The following SLC6A9 variants were observed in gnomAD, a reference collection of about 807,000 sequenced individuals.
SLC6A9 encodes sodium- and chloride-dependent glycine transporter 1.
A neutral mutation model predicts 70.9 loss-of-function variants in SLC6A9; 31 were observed. The observed-to-expected ratio is 0.44, with a 90% CI of 0.33 to 0.59. The LOEUF (loss-of-function observed/expected upper bound fraction) is 0.59, where lower values mean the gene tolerates loss of function less well. Ranked by LOEUF, SLC6A9 falls within the 20% of genes least tolerant of loss-of-function variation. The pLI is 0.04. For missense variants in SLC6A9, 631 were observed against 845.2 expected (o/e 0.75, Z 3.14); for synonymous variants, 310 against 341.3 (o/e 0.91, Z 1.01).
chr1:44,025,070 T>G (rs1379583066), intron 1 of SLC6A9, among the ~76,000 whole-genome samples: 1 of 152,254 alleles, frequency 6.6e-6, no homozygotes, highest in Non-Finnish European at 1.5e-5. Flanking sequence ...TTATTTCATA[T>G]GACACTTATT....
chr1:44,010,303 G>T, intron 3 of SLC6A9: 1 of 568,722 alleles, frequency 1.8e-6, no homozygotes, highest in Non-Finnish European at 3.1e-6. Context: ...TCTGCTTGGA[G>T]TGGAATCCAG....
chr1:44,002,325 T>C lies in SLC6A9; in HGVS notation c.950A>G (p.Asn317Ser). Residue 317 changes from asparagine to serine, a missense_variant, in exon 8 of 14, where the codon AAT becomes AGT. Physicochemically the swap from Asn to Ser is conservative, Grantham distance 46 (BLOSUM62 1). Transcript: ENST00000372310. The surrounding 1 kb of genome is among the most constrained non-coding windows in gnomAD (Gnocchi z 5.5). ...ITMASYNKFH[N>S]NCYRDSVIIS... ...AGGGAGCACTCACCGGTAACAGTTA[T>C]TGTGGAACTTGTTGTAGGAAGCCAT... 1.2e-6 allele frequency: 2 copies of C among 1,612,726 alleles called. No homozygotes were observed. The highest frequency in any genetic ancestry group is 1.7e-6 in the Non-Finnish European group (2 of 1,178,750).
chr1:44,012,105 C>A (rs2086591681), intron 2 of SLC6A9, among the ~76,000 whole-genome samples: 1 of 152,208 alleles, frequency 6.6e-6, no homozygotes. Flanking sequence ...AGAGATGGAG[C>A]CCCGTAGCCT....
rs1161464948 is a variant in SLC6A9 at position 44,010,856 on chromosome 1, G to C, written c.57C>G (p.Thr19=). Residue 19 remains threonine, a synonymous_variant, in exon 3 of 14, where the codon ACC becomes ACG. Coordinates refer to ENST00000372310, the MANE Select transcript of SLC6A9 (RefSeq NM_001024845.3). ...MLNGAVPSEA[T]KRDQNLKRGN... ...CCCGTTTGAGGTTCTGGTCCCTCTT[G>C]GTGGCCTCGCTGGGCACAGCACCAT... 1 of 1,614,128 alleles carries C rather than the reference G, an allele frequency of 6.2e-7. No homozygotes were observed. Among genetic ancestry groups the C allele is most frequent in the African/African-American group, 1.3e-5 (1 of 74,956 alleles).
rs1347046137 is a variant in SLC6A9, at chr1:44,018,417, C to A, written c.30+5831G>T. ...ACCAACCTGACCAACATGGTGAGAC[C>A]AACCCCATCTCTACTAAAAATACAA... On this transcript the variant is annotated intron_variant, in intron 2 of 13. Transcript: ENST00000372310. The surrounding 1 kb of genome is among the most constrained non-coding windows in gnomAD (Gnocchi z 4.2). 6.6e-6 allele frequency among the ~76,000 whole-genome samples: 1 copy of A among 151,928 alleles called. No homozygotes were observed. Among genetic ancestry groups the A allele is most frequent in the Non-Finnish European group, 1.5e-5 (1 of 67,986 alleles).
At chr1:44,010,172 A>G in intron 3 of SLC6A9, 76 bp from the exon 4 acceptor site, 1 of 1,553,962 alleles carries the variant, frequency 6.4e-7, no homozygotes, top group Non-Finnish European at 8.8e-7. Flanking sequence ...TCAGAACTCA[A>G]CAGCAAAACC....
chr1:44,001,210 C>G lies in SLC6A9; in HGVS notation c.1289G>C (p.Gly430Ala), dbSNP rs2154304481. The G allele has an allele frequency of 6.2e-7, 1 of 1,614,206 alleles. No homozygotes were observed. Among genetic ancestry groups the G allele is most frequent in the Non-Finnish European group, 8.5e-7 (1 of 1,180,034 alleles). Residue 430 changes from glycine to alanine, a missense_variant, in exon 10 of 14, where the codon GGC (glycine) becomes GCC (alanine). By Grantham distance (60) the Gly-to-Ala change is moderately conservative (BLOSUM62 0). Coordinates refer to ENST00000372310, the MANE Select transcript of SLC6A9 (RefSeq NM_001024845.3). ...ILQKKTYVTLGVAVAGFLLGI... is the reference protein window; with the variant it reads ...ILQKKTYVTLAVAVAGFLLGI... Reference sequence around the variant, plus strand: ...CAGCAGGAAGCCAGCCACAGCCACGCCCAAGGTCACATAGGTCTTTTTCTG... The same window carrying G: ...CAGCAGGAAGCCAGCCACAGCCACGGCCAAGGTCACATAGGTCTTTTTCTG...
At chr1:44,014,390 A>G (rs1273492800) in intron 2 of SLC6A9, among the ~76,000 whole-genome samples, 1 of 151,968 alleles carries the variant, frequency 6.6e-6, no homozygotes, top group African/African-American at 2.4e-5. Flanking sequence ...TCTCCCAGCC[A>G]TGGAAGGAAT....
chr1:44,004,776 T>G (rs2154305008), intron 5 of SLC6A9, among the ~76,000 whole-genome samples: 2 of 152,368 alleles, frequency 1.3e-5, no homozygotes, highest in South Asian at 4.1e-4. Context: ...TTTTGTTTGG[T>G]TTTGGTTTTG....
At position 44,024,118 on chromosome 1, in the gene SLC6A9, C is replaced by T. The variant is rs570508521; in HGVS notation, c.30+130G>A. ...TAGATGAGGGGCTACCTGCCCAGGC[C>T]GGGGTCAGCTGGGCACTCAGGAGCC... On this transcript the variant is annotated intron_variant, in intron 2 of 13. Coordinates refer to ENST00000372310, the MANE Select transcript of SLC6A9 (RefSeq NM_001024845.3). 911 of 914,060 alleles carry T rather than the reference C, an allele frequency of 1.0e-3. 1 individual carries two copies. The highest frequency in any genetic ancestry group is 1.3e-3 in the Non-Finnish European group (714 of 547,924). 56.6% of individuals were successfully genotyped at this position (914,060 alleles called of 1,614,324 possible). A position where few individuals can be genotyped will look rare whatever the true frequency, so the allele number is the denominator to read the frequency against.
At chr1:43,998,135 C>T in intron 12 of SLC6A9, 110 bp from the exon 13 acceptor site, 1 of 1,046,932 alleles carries the variant, frequency 9.6e-7, no homozygotes, top group Non-Finnish European at 1.4e-6. Context: ...TAGAAAAGGG[C>T]ATTTGGGGCA....
rs943602767 is a variant in SLC6A9, at chr1:44,018,250, C to A, written c.30+5998G>T. The stretch of plus-strand genomic sequence containing the variant: ...CCTGTGAGTTTGGTGAGTGTGGCAA[C>A]CCCGTAGGGAACATAAGGAGTTTTG... On this transcript the variant is annotated intron_variant, in intron 2 of 13. Coordinates refer to ENST00000372310, the MANE Select transcript of SLC6A9 (RefSeq NM_001024845.3). The surrounding 1 kb of genome is among the most constrained non-coding windows in gnomAD (Gnocchi z 4.2). Among the ~76,000 whole-genome samples the A allele has an allele frequency of 4.6e-5, 7 of 152,086 alleles. No homozygotes were observed. Among genetic ancestry groups the A allele is most frequent in the Admixed American group, 4.6e-4 (7 of 15,270 alleles).
Position 44,000,802 on chromosome 1 carries a change from T to C in SLC6A9, c.1501A>G (p.Ile501Val), listed in dbSNP as rs1188873365. 6.2e-7 allele frequency: 1 copy of C among 1,611,664 alleles called. No individual in the cohort carries two copies. Among genetic ancestry groups the C allele is most frequent in the Admixed American group, 1.7e-5 (1 of 59,582 alleles). ...GCGGGAGAGACGAAGCGCCAGCAGA[T>C]CTGAAAGAAGAGGGGTGGTGGGAAT... is the stretch of plus-strand genomic sequence containing the variant. ...LGFPPPLFFQICWRFVSPAII... is the reference protein window; with the variant it reads ...LGFPPPLFFQVCWRFVSPAII... The change falls in exon 12 of 14, where the codon ATC becomes GTC. Residue 501 changes from isoleucine to valine, a missense_variant. Ile to Val is a conservative substitution (Grantham distance 29). Transcript: ENST00000372310.
intron 1 of SLC6A9, among the ~76,000 whole-genome samples, chr1:44,026,196 G>T (rs1286399370): frequency 6.6e-6 from 1 of 152,320 alleles, no homozygotes; most frequent in Non-Finnish European, 1.5e-5. Context: ...GGGCAAGTAG[G>T]GGAAGCGCGG....
Position 44,002,512 on chromosome 1 carries a change from C to T in SLC6A9, c.858G>A (p.Lys286=). 6.2e-7 allele frequency: 1 copy of T among 1,614,206 alleles called. No homozygotes were observed. Reference sequence around the variant, plus strand: ...CCTTCCGGTTTCCCTCACTTCCCACCTTGGCCTCCAGGATCTTGTCCCACT... The same window carrying T: ...CCTTCCGGTTTCCCTCACTTCCCACTTTGGCCTCCAGGATCTTGTCCCACT... ...TPQWDKILEA[K]VWGDAASQIF... The change falls in exon 7 of 14, where the codon AAG becomes AAA. Residue 286 remains lysine, a splice_region_variant and synonymous_variant. Coordinates refer to ENST00000372310, the MANE Select transcript of SLC6A9 (RefSeq NM_001024845.3). The surrounding 1 kb of genome is among the most constrained non-coding windows in gnomAD (Gnocchi z 5.5).
intron 4 of SLC6A9, among the ~76,000 whole-genome samples, chr1:44,009,029 T>TG (rs1232229571): frequency 2.0e-5 from 3 of 146,542 alleles, no homozygotes; most frequent in Admixed American, 6.8e-5. Flanking sequence ...CTTTTTTTTT[T>TG]TTTTTTTTTT....
chr1:43,997,602 C>T lies in SLC6A9; in HGVS notation c.1845G>A (p.Ala615=), dbSNP rs201082592. 2.5e-5 allele frequency: 41 copies of T among 1,613,944 alleles called. No individual in the cohort carries two copies. The highest frequency in any genetic ancestry group is 2.5e-4 in the East Asian group (11 of 44,872). The change falls in exon 14 of 14, where the codon GCG becomes GCA. Residue 615 remains alanine, a synonymous_variant. Transcript: ENST00000372310. The surrounding 1 kb of genome is among the most constrained non-coding windows in gnomAD (Gnocchi z 4.4). ...CATTACTGCCCACAATGGGGATCTGCGCCTTGTCCGGGTGCAGTGGCTGGA... is the reference window on the plus strand; with the variant it reads ...CATTACTGCCCACAATGGGGATCTGTGCCTTGTCCGGGTGCAGTGGCTGGA... ...FEVQPLHPDK[A]QIPIVGSNGS...
chr1:44,001,325 G>C, intron 9 of SLC6A9, 27 bp from the exon 10 acceptor site: 1 of 1,614,136 alleles, frequency 6.2e-7, no homozygotes, highest in East Asian at 2.2e-5. Context: ...TCAGATCGGA[G>C]ACCTGCCCCT....
chr1:44,020,816 G>A (rs890726863), intron 2 of SLC6A9, among the ~76,000 whole-genome samples: 2 of 152,212 alleles, frequency 1.3e-5, no homozygotes, highest in Non-Finnish European at 2.9e-5. Flanking sequence ...CGTCAGGGTG[G>A]GGCAGCCCCT....
Sources: gnomAD v4.1 joint callset for allele counts (sites outside exome capture counted in the v4.1 genomes callset) on GRCh38, gnomAD v4.1.1 for gene constraint, Gnocchi (gnomAD v3.1) non-coding constraint, MANE v1.5 for transcripts, NCBI Gene and HGNC (gene_info 2026-07-23, HGNC 2026-07-21) for gene names.